RAB11FIP4: variants seen among roughly 807,000 people sequenced by gnomAD.
The protein encoded by RAB11FIP4 is RAB11 family interacting protein 4.
A neutral mutation model predicts 74.3 loss-of-function variants in RAB11FIP4; 23 were observed. The ratio of observed to expected loss-of-function variants is 0.31; its 90% CI spans 0.22 to 0.44. RAB11FIP4 has a LOEUF of 0.44. Ranked by LOEUF, RAB11FIP4 falls within the 20% of genes least tolerant of loss-of-function variation. RAB11FIP4 has a pLI of 1.00. For synonymous variants in RAB11FIP4, 360 were observed against 359.9 expected (o/e 1.00, Z 0.00); for missense variants, 630 against 863.9 (o/e 0.73, Z 3.39).
chr17:31,445,556 ATATATATATATATATATATATATTTTT>A (rs1188252931), intron 3 of RAB11FIP4, among the ~76,000 whole-genome samples: 309 of 18,924 alleles, frequency 0.016, 22 homozygotes, highest in East Asian at 0.063. Context: ...ATATATATAT[ATATATATATATATATATATATATTTTT>A]TTTTTTTTTT....
At chr17:31,437,004 A>G (rs1005660602) in intron 3 of RAB11FIP4, among the ~76,000 whole-genome samples, 3 of 151,036 alleles carry the variant, frequency 2.0e-5, no homozygotes, top group African/African-American at 7.3e-5. Context: ...GTTAGCCAGG[A>G]TGGTCTCGAT....
At chr17:31,449,082 C>T (rs142400813) in intron 3 of RAB11FIP4, among the ~76,000 whole-genome samples, 36 of 152,226 alleles carry the variant, frequency 2.4e-4, no homozygotes, top group Admixed American at 4.6e-4. Flanking sequence ...TCATTCAGGA[C>T]ACAGGGGACA....
At chr17:31,506,862 C>T (rs555581313) in intron 3 of RAB11FIP4, among the ~76,000 whole-genome samples, 1 of 152,314 alleles carries the variant, frequency 6.6e-6, no homozygotes, top group East Asian at 1.9e-4. Context: ...GCAGATCTCT[C>T]TTTGACATAC....
intron 3 of RAB11FIP4, chr17:31,488,197 C>T: frequency 9.1e-7 from 1 of 1,102,248 alleles, no homozygotes; most frequent in East Asian, 5.4e-5. Context: ...GCGCCGCCGA[C>T]CCGCGCCCGC....
At chr17:31,427,126 A>C (rs984617168) in intron 1 of RAB11FIP4, among the ~76,000 whole-genome samples, 1 of 151,674 alleles carries the variant, frequency 6.6e-6, no homozygotes, top group African/African-American at 2.4e-5. Context: ...CGCCTGGCTA[A>C]TTTTTGTATT....
intron 3 of RAB11FIP4, among the ~76,000 whole-genome samples, chr17:31,491,522 C>T (rs532593405): frequency 1.6e-4 from 25 of 152,230 alleles, no homozygotes; most frequent in Admixed American, 1.6e-3. Flanking sequence ...GAGAAGGTGA[C>T]ATCCAAACGA....
At chr17:31,402,228 TCCAC>T (rs543399967) in intron 1 of RAB11FIP4, among the ~76,000 whole-genome samples, 1,799 of 138,126 alleles carry the variant, frequency 0.013, 29 homozygotes, top group South Asian at 0.043. Flanking sequence ...CATCCATCCA[TCCAC>T]CCACCATCTA....
intron 1 of RAB11FIP4, among the ~76,000 whole-genome samples, chr17:31,425,836 T>G (rs1381849373): frequency 6.6e-6 from 1 of 152,046 alleles, no homozygotes; most frequent in African/African-American, 2.4e-5. Flanking sequence ...CCACGCATGG[T>G]GTGTGCCCCA....
chr17:31,506,146 T>C (rs1001041788), intron 3 of RAB11FIP4, among the ~76,000 whole-genome samples: 1 of 152,226 alleles, frequency 6.6e-6, no homozygotes, highest in African/African-American at 2.4e-5. Flanking sequence ...AAGTGGTATG[T>C]AGTTGTTTTT....
chr17:31,404,622 A>C (rs542813970), intron 1 of RAB11FIP4, among the ~76,000 whole-genome samples: 1 of 152,330 alleles, frequency 6.6e-6, no homozygotes, highest in East Asian at 1.9e-4. Flanking sequence ...TTTCTGAGTC[A>C]GCTGTCTGAT....
At chr17:31,421,393 A>G (rs2071198049) in intron 1 of RAB11FIP4, among the ~76,000 whole-genome samples, 1 of 150,530 alleles carries the variant, frequency 6.6e-6, no homozygotes, top group East Asian at 2.0e-4. Context: ...TAATTTTTGT[A>G]TTGTTAGTAG....
intron 3 of RAB11FIP4, among the ~76,000 whole-genome samples, chr17:31,442,516 G>A (rs1372719136): frequency 1.3e-5 from 2 of 152,146 alleles, no homozygotes; most frequent in Non-Finnish European, 2.9e-5. Flanking sequence ...CATCTTATCT[G>A]TGGCTGTTTT....
rs2072709151 is a variant in RAB11FIP4 at position 31,523,597 on chromosome 17, G to A, written c.1015G>A (p.Asp339Asn). The A allele has an allele frequency of 6.2e-7, 1 of 1,614,040 alleles. No homozygotes were observed. Among genetic ancestry groups the A allele is most frequent in the Non-Finnish European group, 8.5e-7 (1 of 1,179,906 alleles). ...FRDSIDSCDN[D>N]ITEKVSFLEK... ...GGACAGCATTGACTCTTGCGACAATGACATCACAGAGAAGGTGGGCCTTGG... is the reference window on the plus strand; with the variant it reads ...GGACAGCATTGACTCTTGCGACAATAACATCACAGAGAAGGTGGGCCTTGG... The change falls in exon 8 of 15, where the codon GAC becomes AAC. Residue 339 changes from aspartate to asparagine, a missense_variant. Transcript: ENST00000621161.
intron 3 of RAB11FIP4, among the ~76,000 whole-genome samples, chr17:31,445,559 T>C (rs2071448412): frequency 7.9e-5 from 1 of 12,716 alleles, no homozygotes; most frequent in African/African-American, 2.4e-4. Flanking sequence ...TATATATATA[T>C]ATATATATAT....
At chr17:31,487,431 T>C (rs925096686) in intron 3 of RAB11FIP4, among the ~76,000 whole-genome samples, 1 of 151,810 alleles carries the variant, frequency 6.6e-6, no homozygotes, top group Non-Finnish European at 1.5e-5. Flanking sequence ...AAATAGTATT[T>C]ACTAGCATTC....
rs201726011 is a variant in RAB11FIP4 at position 31,536,050 on chromosome 17, C to T, written c.*4318C>T. 0.18 allele frequency: 19,188 copies of T among 106,594 alleles called. 1,404 individuals carry two copies. The highest frequency in any genetic ancestry group is 0.27 in the Middle Eastern group (61 of 222). The allele number at this position is 106,594 out of a possible 1,614,324, so 6.6% of individuals were successfully genotyped here. On this transcript the variant is annotated 3_prime_UTR_variant, in exon 15 of 15. Transcript: ENST00000621161. ...GTTCAGGGGAGTTGGGGGGGGGGGG[C>T]GCGGGGACAGAAGCGCGGGTTCTTG...
chr17:31,435,372 T>C (rs896427760), intron 3 of RAB11FIP4, among the ~76,000 whole-genome samples: 4 of 152,132 alleles, frequency 2.6e-5, no homozygotes, highest in Admixed American at 6.6e-5. Context: ...AGGCTCTGTT[T>C]TTCTGTTATC....
intron 1 of RAB11FIP4, among the ~76,000 whole-genome samples, chr17:31,416,076 G>C (rs1210978936): frequency 6.6e-6 from 1 of 152,186 alleles, no homozygotes; most frequent in African/African-American, 2.4e-5. Flanking sequence ...GTACCTTATC[G>C]AAGCCCAGGC....
At chr17:31,429,814 G>A (rs2071288568) in intron 1 of RAB11FIP4, among the ~76,000 whole-genome samples, 1 of 136,868 alleles carries the variant, frequency 7.3e-6, no homozygotes, top group African/African-American at 2.8e-5. Flanking sequence ...GGGCAACAGA[G>A]CGAGATTCCA....
Sources: gnomAD v4.1 joint callset for allele counts (sites outside exome capture counted in the v4.1 genomes callset) on GRCh38, gnomAD v4.1.1 for gene constraint, MANE v1.5 for transcripts, NCBI Gene and HGNC (gene_info 2026-07-23, HGNC 2026-07-21) for gene names.